The following CACNA2D3 variants were observed in gnomAD, a reference collection of about 807,000 sequenced individuals.
The protein encoded by CACNA2D3 is voltage-dependent calcium channel subunit alpha-2/delta-3.
In CACNA2D3, 60 loss-of-function variants were observed where a neutral mutation model predicts 160.6. That is an observed-to-expected ratio of 0.37 (90% CI 0.30 to 0.46). The LOEUF is 0.46. Among genes scored for constraint, CACNA2D3 ranks in the 20% least tolerant of loss-of-function variants. The probability of loss-of-function intolerance (pLI) is 1.00; values close to 1 mark genes in which losing one functional copy is unlikely to be tolerated. For missense variants in CACNA2D3, 1,205 were observed against 1,365.0 expected, an observed-to-expected ratio of 0.88 and a Z score of 1.85; for synonymous variants, 558 against 492.9, an observed-to-expected ratio of 1.13 and a Z score of -1.75.
chr3:54,178,695 A>T (rs1000489239), intron 2 of CACNA2D3, among the ~76,000 whole-genome samples: 3 of 152,234 alleles, frequency 2.0e-5, no homozygotes, highest in South Asian at 4.1e-4. Flanking sequence ...CGACTAATTG[A>T]TACCATCAAC....
intron 2 of CACNA2D3, among the ~76,000 whole-genome samples, chr3:54,141,061 C>CTGTGTGTGTGTGTG (rs55833247): frequency 0.063 from 8,116 of 129,012 alleles, 311 homozygotes; most frequent in African/African-American, 0.094. Context: ...CAGGTGAAAC[C>CTGTGTGTGTGTGTG]TGTGTGTGTG....
At position 55,007,796 on chromosome 3, in the gene CACNA2D3, A is replaced by T; in HGVS notation, c.2773A>T (p.Asn925Tyr). ...ACTGAATTCTTCTCTTCAGCCTTAT[A>T]ATGCCTTCCTCTCTGCAGTAAAATG... is the stretch of plus-strand genomic sequence containing the variant. Reference protein sequence around the residue: ...DGAHGLLDPYNAFLSAVKWIM... With the variant: ...DGAHGLLDPYYAFLSAVKWIM... Residue 925 changes from asparagine (N) to tyrosine (Y), a missense_variant, in exon 33 of 38, where the codon AAT becomes TAT. Around this residue, in one of 3 missense-constraint regions of CACNA2D3, gnomAD observed 911 missense variants for 1,002.2 expected, o/e 0.91. Transcript: ENST00000474759. 11 of 1,557,160 alleles carry T rather than the reference A, an allele frequency of 7.1e-6. No individual in the cohort carries two copies. Among genetic ancestry groups the T allele is most frequent in the Non-Finnish European group, 9.5e-6 (11 of 1,154,140 alleles).
intron 5 of CACNA2D3, among the ~76,000 whole-genome samples, chr3:54,521,113 G>A (rs1433829302): frequency 6.6e-6 from 1 of 152,066 alleles, no homozygotes; most frequent in Non-Finnish European, 1.5e-5. Flanking sequence ...TTTCTCTTGG[G>A]TATATACCTA....
At chr3:55,018,765 A>G (rs1056590838) in intron 35 of CACNA2D3, among the ~76,000 whole-genome samples, 3 of 151,890 alleles carry the variant, frequency 2.0e-5, no homozygotes, top group Non-Finnish European at 4.4e-5. Context: ...GCCTCTTTTA[A>G]TGGCTTTATT....
intron 4 of CACNA2D3, among the ~76,000 whole-genome samples, chr3:54,416,289 A>G (rs906430451): frequency 6.6e-6 from 1 of 152,144 alleles, no homozygotes; most frequent in African/African-American, 2.4e-5. Context: ...ATTGGCAGCT[A>G]CCTCCAATGT....
chr3:55,035,742 T>C (rs557005177), intron 35 of CACNA2D3, among the ~76,000 whole-genome samples: 34 of 152,116 alleles, frequency 2.2e-4, no homozygotes, highest in Non-Finnish European at 4.0e-4. Flanking sequence ...TAATAGACAA[T>C]CTTGTTTGCC....
chr3:54,385,506 A>G (rs1040556585), intron 3 of CACNA2D3, among the ~76,000 whole-genome samples: 4 of 152,124 alleles, frequency 2.6e-5, no homozygotes, highest in African/African-American at 7.2e-5. Context: ...TCAACTGAAG[A>G]TAGTCTGGGA....
At chr3:54,552,496 A>G in intron 5 of CACNA2D3, among the ~76,000 whole-genome samples, 1 of 152,166 alleles carries the variant, frequency 6.6e-6, no homozygotes, top group African/African-American at 2.4e-5. Context: ...GTCCTCTGTT[A>G]TCTAGGAGTT....
At chr3:54,982,961 C>T (rs1392308554) in intron 29 of CACNA2D3, among the ~76,000 whole-genome samples, 2 of 152,066 alleles carry the variant, frequency 1.3e-5, no homozygotes, top group African/African-American at 4.8e-5. Context: ...TATCTTATGC[C>T]GACCTACTAT....
intron 11 of CACNA2D3, among the ~76,000 whole-genome samples, chr3:54,727,167 C>G (rs1701293653): frequency 6.6e-6 from 1 of 152,194 alleles, no homozygotes; most frequent in South Asian, 2.1e-4. Context: ...TGCTCATCAT[C>G]ACTGATCATT....
chr3:54,960,199 T>C (rs11717922), intron 27 of CACNA2D3, among the ~76,000 whole-genome samples: 56,899 of 151,886 alleles, frequency 0.37, 13,223 homozygotes, highest in East Asian at 0.57. Flanking sequence ...CAGATTAAAA[T>C]AGGCCTCCTC....
At chr3:54,999,329 G>A (rs563171908) in intron 31 of CACNA2D3, among the ~76,000 whole-genome samples, 4 of 152,164 alleles carry the variant, frequency 2.6e-5, no homozygotes, top group East Asian at 1.9e-4. Context: ...CCATGGCGAC[G>A]GTCTCTTTGT....
At chr3:54,813,512 T>C (rs1356292986) in intron 13 of CACNA2D3, among the ~76,000 whole-genome samples, 1 of 152,164 alleles carries the variant, frequency 6.6e-6, no homozygotes. Context: ...ATTTTTCTCT[T>C]GAAGGCCATC....
At chr3:54,385,572 G>A (rs1304412862) in intron 3 of CACNA2D3, among the ~76,000 whole-genome samples, 2 of 152,128 alleles carry the variant, frequency 1.3e-5, no homozygotes, top group African/African-American at 4.8e-5. Flanking sequence ...GTCTCTGGCT[G>A]GCCTGTCTCT....
At chr3:54,416,966 C>T (rs1194898215) in intron 4 of CACNA2D3, among the ~76,000 whole-genome samples, 1 of 152,084 alleles carries the variant, frequency 6.6e-6, no homozygotes, top group Admixed American at 6.6e-5. Flanking sequence ...AGGTGTCCAC[C>T]CGTCTCCACA....
At chr3:54,179,435 C>G (rs1456829722) in intron 2 of CACNA2D3, among the ~76,000 whole-genome samples, 1 of 152,112 alleles carries the variant, frequency 6.6e-6, no homozygotes, top group African/African-American at 2.4e-5. Context: ...ATTCTTGGGT[C>G]TGTCGGTGAT....
At position 54,310,063 on chromosome 3, in the gene CACNA2D3, A is replaced by C. The variant is rs182527671; in HGVS notation, c.205-10379A>C. Among the ~76,000 whole-genome samples the C allele has an allele frequency of 1.1e-3, 160 of 152,060 alleles. 1 individual carries two copies. The highest frequency in any genetic ancestry group is 2.2e-4 in the Non-Finnish European group (15 of 67,992). The stretch of plus-strand genomic sequence containing the variant: ...TGCATTCCTCAAGGATTGTCCTCAA[A>C]CTTCACTAGATCTGGAAGAGCACAG... On this transcript the variant is annotated intron_variant, in intron 2 of 37. Coordinates refer to ENST00000474759, the MANE Select transcript of CACNA2D3 (RefSeq NM_018398.3).
chr3:54,800,984 A>G (rs1327765018), intron 13 of CACNA2D3, among the ~76,000 whole-genome samples: 4 of 150,638 alleles, frequency 2.7e-5, no homozygotes, highest in African/African-American at 9.8e-5. Flanking sequence ...TTACTGGAAT[A>G]TCTTTTTTTT....
chr3:54,158,140 TGGG>T (rs1700278108), intron 2 of CACNA2D3, among the ~76,000 whole-genome samples: 1 of 152,190 alleles, frequency 6.6e-6, no homozygotes, highest in Non-Finnish European at 1.5e-5. Flanking sequence ...TAGCAGGGGC[TGGG>T]AGGTATTAGG....
Sources: allele counts gnomAD v4.1 joint callset (sites outside exome capture counted in the v4.1 genomes callset), GRCh38; gene constraint gnomAD v4.1.1; regional missense constraint gnomAD v4.1.1; transcripts MANE v1.5; gene names NCBI Gene and HGNC (gene_info 2026-07-23, HGNC 2026-07-21).